Variants in PTPRM observed in about 807,000 individuals in gnomAD.
PTPRM encodes the protein receptor-type tyrosine-protein phosphatase mu.
PTPRM carries 47 observed loss-of-function variants against 186.7 expected under a neutral mutation model. The observed-to-expected ratio is 0.25, with a 90% CI of 0.20 to 0.32. The LOEUF is 0.32. PTPRM is among the 10% of genes least tolerant of loss of function. PTPRM has a pLI of 1.00. For missense variants in PTPRM, 1,494 were observed against 1,865.0 expected, an observed-to-expected ratio of 0.80 and a Z score of 3.66; for synonymous variants, 668 against 674.9, an observed-to-expected ratio of 0.99 and a Z score of 0.16.
chr18:7,750,050 T>C (rs1272450921), intron 1 of PTPRM, among the ~76,000 whole-genome samples: 2 of 152,220 alleles, frequency 1.3e-5, no homozygotes, highest in African/African-American at 4.8e-5. Context: ...TAAGATCTGG[T>C]ATTCTACTTG....
At chr18:8,357,754 T>C (rs535157002) in intron 23 of PTPRM, among the ~76,000 whole-genome samples, 1 of 152,294 alleles carries the variant, frequency 6.6e-6, no homozygotes, top group African/African-American at 2.4e-5. Context: ...ATCCATTTAA[T>C]TAAAGGTAAA....
At chr18:7,749,527 A>G (rs1469790559) in intron 1 of PTPRM, 1 of 152,136 alleles carries the variant, frequency 6.6e-6, no homozygotes, top group African/African-American at 2.4e-5. Flanking sequence ...TGTGTTTTTA[A>G]AAGTATTCCT....
At chr18:8,372,878 G>A (rs902824500) in intron 24 of PTPRM, among the ~76,000 whole-genome samples, 2 of 151,840 alleles carry the variant, frequency 1.3e-5, no homozygotes, top group Non-Finnish European at 2.9e-5. Flanking sequence ...TTGAACAATA[G>A]TCAGCTCTCT....
At chr18:8,364,551 C>T (rs1228029773) in intron 23 of PTPRM, among the ~76,000 whole-genome samples, 1 of 152,218 alleles carries the variant, frequency 6.6e-6, no homozygotes, top group Admixed American at 6.5e-5. Context: ...ACAAAGCTGG[C>T]AGCTGCTCTT....
intron 23 of PTPRM, among the ~76,000 whole-genome samples, chr18:8,355,702 G>T (rs758255888): frequency 6.6e-6 from 1 of 152,194 alleles, no homozygotes; most frequent in Non-Finnish European, 1.5e-5. Context: ...TGGCCTATCT[G>T]AGTTCTTTGA....
chr18:7,882,502 A>G (rs1247217305), intron 2 of PTPRM, among the ~76,000 whole-genome samples: 1 of 152,174 alleles, frequency 6.6e-6, no homozygotes, highest in Non-Finnish European at 1.5e-5. Context: ...TGCCTCTCGT[A>G]TTCTAAATCC....
At chr18:7,661,949 G>A (rs1338891463) in intron 1 of PTPRM, among the ~76,000 whole-genome samples, 2 of 152,032 alleles carry the variant, frequency 1.3e-5, no homozygotes, top group Non-Finnish European at 2.9e-5. Context: ...ACAGGGTCTT[G>A]CTCTGTTGCC....
chr18:8,331,959 A>C (rs1292492003), intron 22 of PTPRM, among the ~76,000 whole-genome samples: 1 of 152,244 alleles, frequency 6.6e-6, no homozygotes. Context: ...AAGTCAGATG[A>C]CATGTGAGTG....
intron 1 of PTPRM, among the ~76,000 whole-genome samples, chr18:7,767,502 A>G (rs747314569): frequency 6.6e-6 from 1 of 152,138 alleles, no homozygotes; most frequent in Non-Finnish European, 1.5e-5. Flanking sequence ...ATGGTCACAT[A>G]AGGTTTCCTT....
chr18:8,265,758 C>CT (rs2094693164), intron 19 of PTPRM, among the ~76,000 whole-genome samples: 1 of 152,218 alleles, frequency 6.6e-6, no homozygotes, highest in African/African-American at 2.4e-5. Flanking sequence ...TGCGAACTCT[C>CT]TAACACTGGA....
chr18:7,871,547 T>C (rs942221656), intron 2 of PTPRM, among the ~76,000 whole-genome samples: 5 of 152,202 alleles, frequency 3.3e-5, no homozygotes, highest in African/African-American at 9.7e-5. Context: ...CCAATGTCAG[T>C]GTCTGTTCAC....
intron 1 of PTPRM, among the ~76,000 whole-genome samples, chr18:7,688,754 T>C (rs780935683): frequency 4.6e-5 from 7 of 152,188 alleles, no homozygotes; most frequent in African/African-American, 1.7e-4. Flanking sequence ...TCCAGCACGG[T>C]TGGTTGTGGC....
At chr18:7,834,992 C>CTTTTTTTTTTTTTTTTTTTTTTTTGGATT (rs57839485) in intron 2 of PTPRM, among the ~76,000 whole-genome samples, 1 of 85,268 alleles carries the variant, frequency 1.2e-5, no homozygotes, top group African/African-American at 4.5e-5. Flanking sequence ...TTATTTGGAT[C>CTTTTTTTTTTTTTTTTTTTTTTTTGGATT]TTTTTTTTTT....
At chr18:8,018,834 T>G (rs1455320285) in intron 7 of PTPRM, among the ~76,000 whole-genome samples, 1 of 152,198 alleles carries the variant, frequency 6.6e-6, no homozygotes, top group Non-Finnish European at 1.5e-5. Flanking sequence ...TAGCATGGCC[T>G]TGTGTGTTTT....
chr18:7,866,851 C>T (rs1411108423), intron 2 of PTPRM, among the ~76,000 whole-genome samples: 1 of 152,118 alleles, frequency 6.6e-6, no homozygotes, highest in Non-Finnish European at 1.5e-5. Context: ...TGTGAACTTG[C>T]TTTATGAATC....
chr18:8,304,140 C>G (rs531162409), intron 20 of PTPRM, among the ~76,000 whole-genome samples: 1 of 152,106 alleles, frequency 6.6e-6, no homozygotes, highest in South Asian at 2.1e-4. Flanking sequence ...CTATTTCTGC[C>G]GCTGTGGGAA....
At chr18:7,854,485 T>C (rs1599076480) in intron 2 of PTPRM, among the ~76,000 whole-genome samples, 1 of 152,196 alleles carries the variant, frequency 6.6e-6, no homozygotes, top group African/African-American at 2.4e-5. Flanking sequence ...TTCATTTTAC[T>C]TGAAACTCCA....
intron 1 of PTPRM, among the ~76,000 whole-genome samples, chr18:7,673,399 T>C (rs1008230790): frequency 6.6e-6 from 1 of 152,154 alleles, no homozygotes; most frequent in Non-Finnish European, 1.5e-5. Context: ...AGGAAAGATA[T>C]ATGGTTAAAG....
chr18:8,171,960 G>GAAAGTGAA (rs1568461242), intron 14 of PTPRM, among the ~76,000 whole-genome samples: 1 of 152,092 alleles, frequency 6.6e-6, no homozygotes. Flanking sequence ...ATACTGTGCC[G>GAAAGTGAA]AAAGTGAAAA....
Sources: gnomAD v4.1 joint callset for allele counts (sites outside exome capture counted in the v4.1 genomes callset) on GRCh38, gnomAD v4.1.1 for gene constraint, MANE v1.5 for transcripts, NCBI Gene and HGNC (gene_info 2026-07-23, HGNC 2026-07-21) for gene names.